The following PDE7B variants were observed in gnomAD, a reference collection of about 807,000 sequenced individuals.
PDE7B encodes the protein 3',5'-cyclic-AMP phosphodiesterase 7B.
A neutral mutation model predicts 56.2 loss-of-function variants in PDE7B; 29 were observed. The observed-to-expected ratio is 0.52, with a 90% CI of 0.38 to 0.70. PDE7B has a LOEUF of 0.70. Ranked by LOEUF, PDE7B falls within the 30% of genes least tolerant of loss-of-function variation. The pLI is 0.00. For missense variants in PDE7B, 490 were observed against 565.0 expected (o/e 0.87, Z 1.35); for synonymous variants, 197 against 196.9 (o/e 1.00, Z 0.00).
In PDE7B at chr6:136,006,111, AAC is replaced by A. The variant is rs1299777217; in HGVS notation, c.82+58588_82+58589del. ...TCAGTAAACTATCACAAGGACAAAA[AAC>A]CAAACACTGCATGTTCTCACTCATA... On this transcript the variant is annotated intron_variant, in intron 2 of 12. Coordinates refer to ENST00000308191, the MANE Select transcript of PDE7B (RefSeq NM_018945.4). Among the ~76,000 whole-genome samples, 520 of 150,470 alleles carry A rather than the reference AAC, an allele frequency of 3.5e-3. 1 individual carries two copies. The highest frequency in any genetic ancestry group is 0.012 in the African/African-American group (492 of 40,962).
chr6:135,909,541 G>A (rs922091214), intron 1 of PDE7B, among the ~76,000 whole-genome samples: 1 of 151,924 alleles, frequency 6.6e-6, no homozygotes, highest in African/African-American at 2.4e-5. Flanking sequence ...GGAATGTGGA[G>A]GTTGCAGTGA....
At chr6:136,091,265 A>G (rs1777380766) in intron 2 of PDE7B, among the ~76,000 whole-genome samples, 1 of 152,230 alleles carries the variant, frequency 6.6e-6, no homozygotes, top group Non-Finnish European at 1.5e-5. Context: ...GATGGTTATG[A>G]AGGAGAGTAG....
chr6:135,907,999 T>G (rs535774135), intron 1 of PDE7B, among the ~76,000 whole-genome samples: 12 of 152,314 alleles, frequency 7.9e-5, no homozygotes, highest in Non-Finnish European at 1.3e-4. Context: ...TTAGGAGATA[T>G]TATTTCATAT....
In PDE7B at chr6:136,155,674, T is replaced by G; in HGVS notation, c.627T>G (p.Ala209=). Residue 209 remains alanine (A), a synonymous_variant, in exon 8 of 13, where the codon GCT becomes GCG. Coordinates refer to ENST00000308191, the MANE Select transcript of PDE7B (RefSeq NM_018945.4). ...TPLDIMLGLL[A]AAAHDVDHPG... ...TGGACATCATGCTTGGACTGCTGGC[T>G]GCAGCAGCACACGATGTGGACCACC... 6.2e-7 allele frequency: 1 copy of G among 1,613,522 alleles called. No homozygotes were observed. Among genetic ancestry groups the G allele is most frequent in the Non-Finnish European group, 8.5e-7 (1 of 1,179,462 alleles).
chr6:135,997,565 TC>T (rs1334936722), intron 2 of PDE7B, among the ~76,000 whole-genome samples: 1 of 151,580 alleles, frequency 6.6e-6, no homozygotes, highest in African/African-American at 2.4e-5. Context: ...TGGAAAAAGC[TC>T]TTTATACAGA....
chr6:135,853,725 A>AT (rs1354933086), intron 1 of PDE7B, among the ~76,000 whole-genome samples: 101 of 149,420 alleles, frequency 6.8e-4, no homozygotes, highest in East Asian at 3.5e-3. Flanking sequence ...AGCTGGGAGA[A>AT]TTTTTTTTTT....
chr6:135,903,385 C>T (rs1403515389), intron 1 of PDE7B, among the ~76,000 whole-genome samples: 1 of 152,180 alleles, frequency 6.6e-6, no homozygotes, highest in African/African-American at 2.4e-5. Context: ...TGTGTTTCTA[C>T]CACCTACACT....
rs114553138 is a variant in PDE7B, at chr6:136,147,433, G to A, written c.249G>A (p.Arg83=). 1,184 of 1,613,450 alleles carry A rather than the reference G, an allele frequency of 7.3e-4. 11 individuals are homozygous for A. In the African/African-American group the frequency reaches 0.014, roughly 19 times the overall value. ...LSFQRYFHAS[R]LLRGIIPQAP... is the part of the protein sequence containing the mutation. Reference sequence around the variant, plus strand: ...TTCAAAGATACTTCCATGCATCAAGGCTGCTTCGTGGAATTATACCACAAG... The same window carrying A: ...TTCAAAGATACTTCCATGCATCAAGACTGCTTCGTGGAATTATACCACAAG... The change falls in exon 4 of 13, where the codon AGG becomes AGA. Residue 83 remains arginine (R), a synonymous_variant. Coordinates refer to ENST00000308191, the MANE Select transcript of PDE7B (RefSeq NM_018945.4).
At chr6:135,876,402 G>A (rs1775493678) in intron 1 of PDE7B, among the ~76,000 whole-genome samples, 2 of 152,108 alleles carry the variant, frequency 1.3e-5, no homozygotes, top group South Asian at 2.1e-4. Context: ...AAAGTGTCTA[G>A]ATTTACTTTT....
rs79866104 is a variant in PDE7B at position 136,076,999 on chromosome 6, G to A, written c.83-31732G>A. On this transcript the variant is annotated intron_variant, in intron 2 of 12. Coordinates refer to ENST00000308191, the MANE Select transcript of PDE7B (RefSeq NM_018945.4). ...GTGAAGGTAAGAATACACCATATGC[G>A]GGTATGCAAGATGTCAATTTCTTTC... Among the ~76,000 whole-genome samples the A allele has an allele frequency of 4.9e-4, 74 of 152,064 alleles. No homozygotes were observed. In the East Asian group the frequency reaches 0.012, roughly 25 times the overall value.
chr6:135,950,733 G>A (rs988377871), intron 2 of PDE7B, among the ~76,000 whole-genome samples: 6 of 152,128 alleles, frequency 3.9e-5, no homozygotes, highest in African/African-American at 9.7e-5. Flanking sequence ...TCACTAGCCA[G>A]GGACTCCATT....
chr6:135,908,075 G>T (rs1446516605), intron 1 of PDE7B, among the ~76,000 whole-genome samples: 2 of 148,850 alleles, frequency 1.3e-5, no homozygotes, highest in Non-Finnish European at 3.0e-5. Flanking sequence ...GAAACAAGAA[G>T]GTTTGTCAAC....
intron 2 of PDE7B, among the ~76,000 whole-genome samples, chr6:136,102,408 A>T (rs2128217297): frequency 6.6e-6 from 1 of 152,326 alleles, no homozygotes; most frequent in East Asian, 1.9e-4. Flanking sequence ...ATGCATTTCT[A>T]AAAAACAACG....
chr6:136,043,828 A>T (rs1481292399), intron 2 of PDE7B: 2 of 152,214 alleles, frequency 1.3e-5, no homozygotes, highest in African/African-American at 4.8e-5. Context: ...CAGTGTTAAA[A>T]GAAAAATCAA....
intron 1 of PDE7B, among the ~76,000 whole-genome samples, chr6:135,872,784 T>C (rs1775410222): frequency 6.6e-6 from 1 of 152,200 alleles, no homozygotes; most frequent in Non-Finnish European, 1.5e-5. Flanking sequence ...AATCAACTTT[T>C]TGATAAGTTA....
intron 7 of PDE7B, among the ~76,000 whole-genome samples, chr6:136,154,837 A>C (rs752041597): frequency 6.6e-6 from 1 of 152,236 alleles, no homozygotes; most frequent in African/African-American, 2.4e-5. Flanking sequence ...TTATATTCTA[A>C]GACTGTTGAG....
intron 2 of PDE7B, among the ~76,000 whole-genome samples, chr6:136,081,455 T>G (rs951595214): frequency 2.0e-5 from 3 of 152,190 alleles, no homozygotes; most frequent in African/African-American, 7.2e-5. Context: ...AAGATTTGTT[T>G]GTTGGGGGGA....
intron 8 of PDE7B, among the ~76,000 whole-genome samples, chr6:136,166,804 T>G (rs936938448): frequency 6.6e-6 from 1 of 152,134 alleles, no homozygotes; most frequent in Non-Finnish European, 1.5e-5. Context: ...CCTACCAAAG[T>G]CTGTTGTCAA....
At chr6:135,874,495 G>C (rs1775453752) in intron 1 of PDE7B, among the ~76,000 whole-genome samples, 1 of 152,078 alleles carries the variant, frequency 6.6e-6, no homozygotes, top group South Asian at 2.1e-4. Context: ...GTAATTATTT[G>C]AAGTGGTTAC....
Sources: gnomAD v4.1 joint callset for allele counts (sites outside exome capture counted in the v4.1 genomes callset) on GRCh38, gnomAD v4.1.1 for gene constraint, MANE v1.5 for transcripts, NCBI Gene and HGNC (gene_info 2026-07-23, HGNC 2026-07-21) for gene names.